NIPSNAP3B: variants seen among roughly 807,000 people sequenced by gnomAD.
NIPSNAP3B encodes protein NipSnap homolog 3B.
In NIPSNAP3B, 30 loss-of-function variants were observed where a neutral mutation model predicts 31.5. That is an observed-to-expected ratio of 0.95 (90% confidence interval 0.71 to 1.29). NIPSNAP3B has a LOEUF of 1.29. Among genes scored for constraint, NIPSNAP3B ranks in the 50% most tolerant of loss-of-function variants. NIPSNAP3B has a pLI of 0.00. For synonymous variants in NIPSNAP3B, 106 were observed against 107.9 expected, an observed-to-expected ratio of 0.98 and a Z score of 0.11; for missense variants, 269 against 300.7, an observed-to-expected ratio of 0.89 and a Z score of 0.78.
Position 104,773,291 on chromosome 9 carries a change from A to G in NIPSNAP3B, c.*218A>G, listed in dbSNP as rs1828265387. 1.9e-6 allele frequency: 1 copy of G among 528,532 alleles called. No homozygotes were observed. The highest frequency in any genetic ancestry group is 1.9e-5 in the African/African-American group (1 of 52,318). 32.7% of individuals were successfully genotyped at this position (528,532 alleles called of 1,614,324 possible). A position where few individuals can be genotyped will look rare whatever the true frequency, so the allele number is the denominator to read the frequency against. ...ACCTTGGCATTTCAGTATCTGTTAC[A>G]CATTAGAAGTAGTTGTCACTATTTC... On this transcript the variant is annotated 3_prime_UTR_variant, in exon 6 of 6. Coordinates refer to ENST00000374762, the MANE Select transcript of NIPSNAP3B (RefSeq NM_018376.4).
intron 4 of NIPSNAP3B, chr9:104,771,247 A>G (rs994251720): frequency 6.0e-6 from 2 of 334,840 alleles, no homozygotes; most frequent in African/African-American, 4.2e-5. Context: ...CACGGGGTAC[A>G]TGTGAAGATT....
At chr9:104,770,429 T>C (rs1828190314) in intron 3 of NIPSNAP3B, among the ~76,000 whole-genome samples, 1 of 152,160 alleles carries the variant, frequency 6.6e-6, no homozygotes, top group Admixed American at 6.5e-5. Flanking sequence ...CTCTCAAAAT[T>C]GAAAAGGAGA....
At chr9:104,767,816 A>G (rs1392175526) in intron 2 of NIPSNAP3B, among the ~76,000 whole-genome samples, 2 of 152,180 alleles carry the variant, frequency 1.3e-5, no homozygotes, top group Non-Finnish European at 2.9e-5. Context: ...TCCTCAGCAT[A>G]AATCATATAA....
chr9:104,781,558 GTGAA>G (rs1828546449), downstream of NIPSNAP3B: 2 of 152,574 alleles, frequency 1.3e-5, no homozygotes, highest in Non-Finnish European at 1.5e-5. Flanking sequence ...TTACTATACA[GTGAA>G]TGAATGATGT....
chr9:104,781,558 G>A (rs1828546276), downstream of NIPSNAP3B: 1 of 152,574 alleles, frequency 6.6e-6, no homozygotes, highest in African/African-American at 2.4e-5. Context: ...TTACTATACA[G>A]TGAATGAATG....
the NIPSNAP3B span, among the ~76,000 whole-genome samples, chr9:104,789,690 G>A: frequency 6.6e-6 from 1 of 152,180 alleles, no homozygotes; most frequent in Non-Finnish European, 1.5e-5. Flanking sequence ...TTATACATGT[G>A]TCTACATGTC....
downstream of NIPSNAP3B, among the ~76,000 whole-genome samples, chr9:104,778,648 GCT>G (rs1346274273): frequency 1.3e-5 from 2 of 152,076 alleles, no homozygotes; most frequent in Non-Finnish European, 2.9e-5. Flanking sequence ...CACCTTGCTA[GCT>G]CTCTTTCCCT....
chr9:104,788,059 A>C, the NIPSNAP3B span: 2 of 1,614,128 alleles, frequency 1.2e-6, no homozygotes, highest in Non-Finnish European at 1.7e-6. Flanking sequence ...ACCAACCTAC[A>C]GTGATAAAAA....
the NIPSNAP3B span, chr9:104,785,582 C>A: frequency 6.2e-7 from 1 of 1,614,150 alleles, no homozygotes; most frequent in African/African-American, 1.3e-5. Flanking sequence ...CCTGGACAGG[C>A]TTCAGGTCCG....
At chr9:104,788,338 C>T in the NIPSNAP3B span, 1 of 1,587,234 alleles carries the variant, frequency 6.3e-7, no homozygotes, top group Non-Finnish European at 8.6e-7. Context: ...GGAAAAACAG[C>T]CTGAAGTCAA....
chr9:104,790,803 T>C, the NIPSNAP3B span: 9 of 739,814 alleles, frequency 1.2e-5, no homozygotes, highest in Admixed American at 4.1e-5. Flanking sequence ...CCCTTTACTA[T>C]ATTTCAACAT....
chr9:104,768,682 C>G (rs1003020446), intron 2 of NIPSNAP3B, among the ~76,000 whole-genome samples, 181 bp from the exon 3 acceptor site: 1 of 152,176 alleles, frequency 6.6e-6, no homozygotes, highest in African/African-American at 2.4e-5. Flanking sequence ...TTCAACTCCC[C>G]TTTTAGACCA....
chr9:104,785,650 GA>G, the NIPSNAP3B span: 1 of 1,613,592 alleles, frequency 6.2e-7, no homozygotes. Context: ...CTGAAAGCAG[GA>G]AAAAATACCC....
At chr9:104,764,828 G>A (rs1167639928) in intron 1 of NIPSNAP3B, among the ~76,000 whole-genome samples, 3 of 152,146 alleles carry the variant, frequency 2.0e-5, no homozygotes, top group African/African-American at 7.2e-5. Flanking sequence ...TTGCAGGCAT[G>A]AGCCACTGTG....
Position 104,774,699 on chromosome 9 carries a change from C to A in NIPSNAP3B, c.*1626C>A, listed in dbSNP as rs1447752457. 6.6e-6 allele frequency among the ~76,000 whole-genome samples: 1 copy of A among 152,096 alleles called. No individual in the cohort carries two copies. The highest frequency in any genetic ancestry group is 2.4e-5 in the African/African-American group (1 of 41,410). ...AGAATTATGTGGTTTAAATCATATA[C>A]CTTATTCTTCATACTTAGCTCCAAG... is the stretch of plus-strand genomic sequence containing the variant. On this transcript the variant is annotated 3_prime_UTR_variant, in exon 6 of 6. Coordinates refer to ENST00000374762, the MANE Select transcript of NIPSNAP3B (RefSeq NM_018376.4).
intron 3 of NIPSNAP3B, 27 bp from the exon 4 acceptor site, chr9:104,770,822 A>G: frequency 6.2e-7 from 1 of 1,605,538 alleles, no homozygotes; most frequent in Non-Finnish European, 8.5e-7. Flanking sequence ...GTCTTCTGTG[A>G]AATAATTATT....
In NIPSNAP3B at chr9:104,767,689, A is replaced by G. The variant is rs190154301; in HGVS notation, c.271+1154A>G. ...TTTATAATTCATTTATATGCTTTAG[A>G]TAAACCACATATATAATCCACTTAT... is the stretch of plus-strand genomic sequence containing the variant. On this transcript the variant is annotated intron_variant, in intron 2 of 5. Coordinates refer to ENST00000374762, the MANE Select transcript of NIPSNAP3B (RefSeq NM_018376.4). 6.6e-3 allele frequency among the ~76,000 whole-genome samples: 1,010 copies of G among 152,302 alleles called. 6 individuals carry two copies. Among genetic ancestry groups the G allele is most frequent in the Non-Finnish European group, 0.011 (755 of 67,980 alleles).
intron 4 of NIPSNAP3B, among the ~76,000 whole-genome samples, chr9:104,772,555 G>A (rs1229210093): frequency 6.6e-6 from 1 of 151,890 alleles, no homozygotes; most frequent in Non-Finnish European, 1.5e-5. Context: ...ATAAAACATA[G>A]TAGGAAGTCA....
chr9:104,775,400 G>A lies in NIPSNAP3B; in HGVS notation c.*2327G>A, dbSNP rs2472473. Among the ~76,000 whole-genome samples, 127,804 of 151,958 alleles carry A rather than the reference G, an allele frequency of 0.84. 54,016 individuals are homozygous for A. The highest frequency in any genetic ancestry group is 0.9 in the Admixed American group (13,793 of 15,268). On this transcript the variant is annotated 3_prime_UTR_variant, in exon 6 of 6. Coordinates refer to ENST00000374762, the MANE Select transcript of NIPSNAP3B (RefSeq NM_018376.4). ...GCAGTTGACCTCTCCTTTCTTCTGG[G>A]AAGTTTCTTCGTTTCTCCGAAACAC...
Sources: allele counts gnomAD v4.1 joint callset (sites outside exome capture counted in the v4.1 genomes callset), GRCh38; gene constraint gnomAD v4.1.1; transcripts MANE v1.5; gene names NCBI Gene and HGNC (gene_info 2026-07-23, HGNC 2026-07-21).